IL9: variants seen among roughly 807,000 people sequenced by gnomAD.
The protein encoded by IL9 is interleukin-9.
A neutral mutation model predicts 12.9 loss-of-function variants in IL9; 16 were observed. The ratio of observed to expected loss-of-function variants is 1.24; its 90% CI spans 0.84 to 1.88. The LOEUF (loss-of-function observed/expected upper bound fraction) is 1.88, where lower values mean the gene tolerates loss of function less well. Ranked by LOEUF, IL9 falls within the 40% of genes most tolerant of loss-of-function variation. The pLI is 0.00. For synonymous variants in IL9, 69 were observed against 63.8 expected, an observed-to-expected ratio of 1.08 and a Z score of -0.39; for missense variants, 170 against 173.1, an observed-to-expected ratio of 0.98 and a Z score of 0.10.
chr5:135,895,345 G>A (rs1581082300), intron 3 of IL9, 95 bp downstream of exon 3: 4 of 978,990 alleles, frequency 4.1e-6, no homozygotes, highest in East Asian at 2.6e-5. Context: ...AAGCAACAAT[G>A]TATAACATTA....
rs1325142945 is a variant in IL9 at position 135,893,943 on chromosome 5, G to A, written c.315+77C>T. 4.9e-6 allele frequency: 6 copies of A among 1,232,310 alleles called. No individual in the cohort carries two copies. In the East Asian group the frequency reaches 1.2e-4, roughly 25 times the overall value. The allele number at this position is 1,232,310 out of a possible 1,614,324, so 76.3% of individuals were successfully genotyped here. A position where few individuals can be genotyped will look rare whatever the true frequency, so the allele number is the denominator to read the frequency against. On this transcript the variant is annotated intron_variant, in intron 4 of 4. Transcript: ENST00000274520. ...CCAATTCCAACTTTATCATCCTTTT[G>A]TGTTCAAACAGGGTTGGCATCACCA... is the stretch of plus-strand genomic sequence containing the variant.
chr5:135,894,973 G>A (rs1762921188), intron 3 of IL9, among the ~76,000 whole-genome samples: 1 of 152,162 alleles, frequency 6.6e-6, no homozygotes, highest in African/African-American at 2.4e-5. Context: ...GCAGGGAGGG[G>A]GAGGTATAGC....
chr5:135,892,302 T>C lies in IL9; in HGVS notation c.*89A>G. The C allele has an allele frequency of 1.0e-6, 1 of 979,926 alleles. No homozygotes were observed. Among genetic ancestry groups the C allele is most frequent in the Non-Finnish European group, 1.5e-6 (1 of 671,066 alleles). 60.7% of individuals were successfully genotyped at this position (979,926 alleles called of 1,614,324 possible). A position where few individuals can be genotyped will look rare whatever the true frequency, so the allele number is the denominator to read the frequency against. ...AACAAATAATCACAACTGATACTGA[T>C]TTAGAGTAGCTTACTTGATTTTTAA... On this transcript the variant is annotated 3_prime_UTR_variant, in exon 5 of 5. Coordinates refer to ENST00000274520, the MANE Select transcript of IL9 (RefSeq NM_000590.2).
At chr5:135,894,649 G>A (rs1048682437) in intron 3 of IL9, among the ~76,000 whole-genome samples, 5 of 152,206 alleles carry the variant, frequency 3.3e-5, no homozygotes, top group African/African-American at 9.6e-5. Flanking sequence ...TGGATGGACC[G>A]CGATGGGTGC....
chr5:135,895,130 A>C (rs1762922920), intron 3 of IL9, among the ~76,000 whole-genome samples: 1 of 152,212 alleles, frequency 6.6e-6, no homozygotes, highest in Admixed American at 6.5e-5. Flanking sequence ...AGTTTTATTT[A>C]ATTGTGCACA....
At chr5:135,894,800 T>C (rs1762919639) in intron 3 of IL9, among the ~76,000 whole-genome samples, 1 of 152,158 alleles carries the variant, frequency 6.6e-6, no homozygotes, top group African/African-American at 2.4e-5. Context: ...AATCAGAACT[T>C]TCCTGCCACC....
chr5:135,893,221 G>A (rs1228471188), intron 4 of IL9, among the ~76,000 whole-genome samples: 1 of 152,174 alleles, frequency 6.6e-6, no homozygotes, highest in Non-Finnish European at 1.5e-5. Flanking sequence ...CTGCTGTCAG[G>A]GACTAGGGTA....
chr5:135,894,682 A>G (rs923676681), intron 3 of IL9, among the ~76,000 whole-genome samples: 1 of 152,234 alleles, frequency 6.6e-6, no homozygotes, highest in Non-Finnish European at 1.5e-5. Flanking sequence ...TAGCCAGGGC[A>G]AGAAGCTCAG....
At chr5:135,892,778 A>T (rs185507223) in intron 4 of IL9, among the ~76,000 whole-genome samples, 1 of 134,580 alleles carries the variant, frequency 7.4e-6, no homozygotes, top group Non-Finnish European at 1.5e-5. Context: ...ACACACACAC[A>T]CCCCTATTAA....
chr5:135,895,678 C>T (rs767173791), intron 1 of IL9, 25 bp downstream of exon 1: 2 of 1,606,076 alleles, frequency 1.2e-6, no homozygotes, highest in Non-Finnish European at 1.7e-6. Flanking sequence ...AGCTGTCTTT[C>T]CCATGGGCTC....
intron 4 of IL9, among the ~76,000 whole-genome samples, chr5:135,893,217 T>G (rs1293337538): frequency 6.6e-6 from 1 of 152,180 alleles, no homozygotes; most frequent in Admixed American, 6.5e-5. Flanking sequence ...CAGTCTGCTG[T>G]CAGGGACTAG....
At chr5:135,895,495 A>T in intron 2 of IL9, 23 bp from the exon 3 acceptor site, 1 of 1,614,006 alleles carries the variant, frequency 6.2e-7, no homozygotes, top group Non-Finnish European at 8.5e-7. Flanking sequence ...TTTCAGAGTG[A>T]AGATTCCAGA....
At chr5:135,893,988 C>G in intron 4 of IL9, 32 bp downstream of exon 4, 1 of 1,588,658 alleles carries the variant, frequency 6.3e-7, no homozygotes, top group Non-Finnish European at 8.6e-7. Context: ...AAATCACCAA[C>G]AGGAACATAT....
Position 135,892,528 on chromosome 5 carries a change from G to A in IL9, c.316-18C>T. 1 of 1,607,482 alleles carries A rather than the reference G, an allele frequency of 6.2e-7. No individual in the cohort carries two copies. Among genetic ancestry groups the A allele is most frequent in the African/African-American group, 1.3e-5 (1 of 74,572 alleles). The stretch of plus-strand genomic sequence containing the variant: ...GAAAAATACTGTGGGGATGAAAGTT[G>A]ATAAGGACAGAGTGACTCAAATGAT... On this transcript the variant is annotated intron_variant, in intron 4 of 4. Transcript: ENST00000274520.
intron 4 of IL9, 82 bp from the exon 5 acceptor site, chr5:135,892,592 C>G: frequency 2.0e-6 from 3 of 1,470,072 alleles, no homozygotes; most frequent in Non-Finnish European, 2.8e-6. Flanking sequence ...CTGCCAAGAG[C>G]CAGAGTCGGT....
At position 135,895,469 on chromosome 5, in the gene IL9, T is replaced by C. The variant is rs1762927836; in HGVS notation, c.154A>G (p.Thr52Ala). 1.9e-6 allele frequency: 3 copies of C among 1,613,894 alleles called. No homozygotes were observed. Among genetic ancestry groups the C allele is most frequent in the Admixed American group, 1.7e-5 (1 of 59,986 alleles). ...GGAATGCCCAAACAGAGACAACTGG[T>C]CACCTGCAAGGGAAATTTCAGAGTG... ...ASKCHCSANV[T>A]SCLCLGIPSD... Residue 52 changes from threonine (T) to alanine (A), a missense_variant, in exon 3 of 5, where the codon ACC becomes GCC. Coordinates refer to ENST00000274520, the MANE Select transcript of IL9 (RefSeq NM_000590.2).
chr5:135,893,441 A>G (rs1762901792), intron 4 of IL9, among the ~76,000 whole-genome samples: 1 of 151,736 alleles, frequency 6.6e-6, no homozygotes. Flanking sequence ...GTGAAACCCC[A>G]TCTCTATTAA....
In IL9 at chr5:135,894,068, G is replaced by C. The variant is rs1762910503; in HGVS notation, c.267C>G (p.Phe89Leu). 1 of 1,612,720 alleles carries C rather than the reference G, an allele frequency of 6.2e-7. No homozygotes were observed. The highest frequency in any genetic ancestry group is 8.5e-7 in the Non-Finnish European group (1 of 1,179,502). Residue 89 changes from phenylalanine to leucine, a missense_variant, in exon 4 of 5, where the codon TTC (phenylalanine) becomes TTG (leucine). Physicochemically the swap from Phe to Leu is conservative, Grantham distance 22. Coordinates refer to ENST00000274520, the MANE Select transcript of IL9 (RefSeq NM_000590.2). Reference protein sequence around the residue: ...TTMQTRYPLIFSRVKKSVEVL... With the variant: ...TTMQTRYPLILSRVKKSVEVL... Reference sequence around the variant, plus strand: ...CTTCAACTGATTTTTTCACCCGACTGAAAATCAGTGGGTATCTTGTTTGCA... The same window carrying C: ...CTTCAACTGATTTTTTCACCCGACTCAAAATCAGTGGGTATCTTGTTTGCA...
chr5:135,892,483 G>T lies in IL9; in HGVS notation c.343C>A (p.Gln115Lys), dbSNP rs1401197579. The T allele has an allele frequency of 6.2e-7, 1 of 1,613,098 alleles. No homozygotes were observed. Among genetic ancestry groups the T allele is most frequent in the Middle Eastern group, 1.7e-4 (1 of 6,058 alleles). The change falls in exon 5 of 5, where the codon CAA becomes AAA. Residue 115 changes from glutamine to lysine, a missense_variant. Transcript: ENST00000274520. ...PYFSCEQPCNQTTAGNALTFL... is the reference protein window; with the variant it reads ...PYFSCEQPCNKTTAGNALTFL... ...GTCAGCGCGTTGCCTGCCGTGGTTTGGTTGCATGGCTGTTCACAGGAAAAA... is the reference window on the plus strand; with the variant it reads ...GTCAGCGCGTTGCCTGCCGTGGTTTTGTTGCATGGCTGTTCACAGGAAAAA...
Sources: allele counts gnomAD v4.1 joint callset (sites outside exome capture counted in the v4.1 genomes callset), GRCh38; gene constraint gnomAD v4.1.1; transcripts MANE v1.5; gene names NCBI Gene and HGNC (gene_info 2026-07-23, HGNC 2026-07-21).